MAPK14: variants seen among roughly 807,000 people sequenced by gnomAD.
MAPK14 encodes the protein mitogen-activated protein kinase 14, also known as CSAID-binding protein.
Under a neutral mutation model 49.6 loss-of-function variants are expected in MAPK14, and 16 were observed. The observed-to-expected ratio is 0.32, with a 90% confidence interval of 0.22 to 0.49. The LOEUF (loss-of-function observed/expected upper bound fraction) is 0.49, where lower values mean the gene tolerates loss of function less well. Among genes scored for constraint, MAPK14 ranks in the 20% least tolerant of loss-of-function variants. The pLI is 0.99. For missense variants in MAPK14, 200 were observed against 441.2 expected (o/e 0.45, Z 4.90); for synonymous variants, 142 against 158.0 (o/e 0.90, Z 0.76).
chr6:36,078,494 G>T (rs1764619432), intron 8 of MAPK14, among the ~76,000 whole-genome samples: 1 of 152,160 alleles, frequency 6.6e-6, no homozygotes, highest in African/African-American at 2.4e-5. Flanking sequence ...TACCTTTGTG[G>T]TCCTGTCTCA....
chr6:36,117,171 C>T, the MAPK14 span, among the ~76,000 whole-genome samples: 1 of 152,160 alleles, frequency 6.6e-6, no homozygotes, highest in African/African-American at 2.4e-5. Flanking sequence ...CCCTTGCCCT[C>T]GCTTCTCTAC....
chr6:36,111,855 AAGG>A (rs1411088972), downstream of MAPK14, among the ~76,000 whole-genome samples: 2 of 152,136 alleles, frequency 1.3e-5, no homozygotes, highest in East Asian at 3.9e-4. Context: ...GTGACTTCGT[AAGG>A]AGGTGAGAGA....
chr6:36,039,964 C>T (rs1762899136), intron 1 of MAPK14, among the ~76,000 whole-genome samples: 1 of 150,574 alleles, frequency 6.6e-6, no homozygotes, highest in Non-Finnish European at 1.5e-5. Flanking sequence ...CCCCTGCACT[C>T]CTGTCTGGGC....
chr6:36,074,196 C>G (rs1764426162), intron 6 of MAPK14, 100 bp downstream of exon 6: 2 of 765,876 alleles, frequency 2.6e-6, no homozygotes, highest in Non-Finnish European at 4.3e-6. Flanking sequence ...TGAGCCATGA[C>G]TATCTGAAAT....
intron 8 of MAPK14, 78 bp downstream of exon 8, chr6:36,076,686 C>A: frequency 9.2e-7 from 1 of 1,092,598 alleles, no homozygotes; most frequent in Non-Finnish European, 1.4e-6. Flanking sequence ...TTTTACTTAT[C>A]TCTAGGGAAG....
the MAPK14 span, among the ~76,000 whole-genome samples, chr6:36,120,451 G>A: frequency 6.7e-6 from 1 of 149,972 alleles, no homozygotes. Context: ...CTGGCCATCC[G>A]GAACATACTC....
chr6:36,076,253 A>G lies in MAPK14; in HGVS notation c.611-284A>G, dbSNP rs61763109. 0.017 allele frequency among the ~76,000 whole-genome samples: 2,663 copies of G among 152,266 alleles called. 78 individuals carry two copies. The highest frequency in any genetic ancestry group is 0.06 in the African/African-American group (2,490 of 41,534). The stretch of plus-strand genomic sequence containing the variant: ...ATTAGTCCATAATTTTAACCCCTCA[A>G]TGTTACTTGGAAGAATCTACCATTC... On this transcript the variant is annotated intron_variant, in intron 7 of 11. Transcript: ENST00000229794.
At position 36,076,199 on chromosome 6, in the gene MAPK14, T is replaced by TA. The variant is rs1191239717; in HGVS notation, c.610+238dup. The stretch of plus-strand genomic sequence containing the variant: ...TTTTTATTTATTTAGATTTTGAATA[T>TA]ATTCTCTGAGTACTTATACCTAAAG... On this transcript the variant is annotated intron_variant, in intron 7 of 11. Transcript: ENST00000229794. Among the ~76,000 whole-genome samples, 486 of 152,342 alleles carry TA rather than the reference T, an allele frequency of 3.2e-3. 3 individuals are homozygous for TA. The highest frequency in any genetic ancestry group is 0.011 in the African/African-American group (447 of 41,568).
intron 8 of MAPK14, among the ~76,000 whole-genome samples, chr6:36,087,856 G>T (rs1487201914): frequency 6.6e-6 from 1 of 152,098 alleles, no homozygotes; most frequent in Non-Finnish European, 1.5e-5. Flanking sequence ...GAACAAACCT[G>T]GAGGCATCAC....
intron 1 of MAPK14, chr6:36,029,273 T>C (rs531685278): frequency 1.3e-5 from 2 of 152,306 alleles, no homozygotes; most frequent in South Asian, 4.1e-4. Flanking sequence ...AGGTACACGA[T>C]GGTTTTCGTA....
At chr6:36,076,480 G>A in intron 7 of MAPK14, 57 bp from the exon 8 acceptor site, 1 of 1,279,566 alleles carries the variant, frequency 7.8e-7, no homozygotes, top group South Asian at 1.2e-5. Flanking sequence ...TTCATTTGTT[G>A]CCAAGAATTG....
At chr6:36,088,910 G>C (rs1246696856) in intron 8 of MAPK14, among the ~76,000 whole-genome samples, 1 of 152,170 alleles carries the variant, frequency 6.6e-6, no homozygotes, top group East Asian at 1.9e-4. Context: ...AGAAACAACA[G>C]ATGCTGGTGA....
At chr6:36,076,774 A>G (rs1370212823) in intron 8 of MAPK14, 166 bp downstream of exon 8, 3 of 470,594 alleles carry the variant, frequency 6.4e-6, no homozygotes, top group African/African-American at 6.0e-5. Context: ...TGCCTTGCCA[A>G]GAAAGAGGCT....
chr6:36,053,857 T>A (rs539311887), intron 2 of MAPK14, among the ~76,000 whole-genome samples: 60 of 152,320 alleles, frequency 3.9e-4, no homozygotes, highest in African/African-American at 1.4e-3. Flanking sequence ...AATTTGTAAT[T>A]GGATTATGGA....
At position 36,107,474 on chromosome 6, in the gene MAPK14, G is replaced by T; in HGVS notation, c.861G>T (p.Lys287Asn). The T allele has an allele frequency of 6.5e-7, 1 of 1,548,166 alleles. No individual in the cohort carries two copies. The highest frequency in any genetic ancestry group is 8.7e-7 in the Non-Finnish European group (1 of 1,147,634). Residue 287 changes from lysine (K) to asparagine (N), a missense_variant, in exon 11 of 12, where the codon AAG (lysine) becomes AAT (asparagine). Physicochemically the swap from Lys to Asn is moderately conservative, Grantham distance 94. Transcript: ENST00000229794. The surrounding 1 kb of genome is among the most constrained non-coding windows in gnomAD (Gnocchi z 4.3). ...ANPLAVDLLE[K>N]MLVLDSDKRI... The stretch of plus-strand genomic sequence containing the variant: ...TGATAGCTGTCGACTTGCTGGAGAA[G>T]ATGCTTGTATTGGACTCAGATAAGA...
intron 3 of MAPK14, among the ~76,000 whole-genome samples, chr6:36,063,740 A>T (rs1455733955): frequency 2.0e-5 from 3 of 152,220 alleles, no homozygotes; most frequent in Non-Finnish European, 4.4e-5. Context: ...ACAGTTACTG[A>T]ATCTGGATGG....
At chr6:36,065,426 T>C (rs1764009200) in intron 3 of MAPK14, among the ~76,000 whole-genome samples, 1 of 151,510 alleles carries the variant, frequency 6.6e-6, no homozygotes, top group South Asian at 2.1e-4. Context: ...CACAGAGGGC[T>C]TAACGGATGA....
intron 8 of MAPK14, chr6:36,092,323 G>A: frequency 1.6e-6 from 1 of 613,894 alleles, no homozygotes; most frequent in South Asian, 1.4e-5. Flanking sequence ...CTCCCAAAGA[G>A]CAGCTGCTCC....
chr6:36,042,682 C>A lies in MAPK14; in HGVS notation c.117-10017C>A, dbSNP rs140884456. ...TAATTTTTTTTTTTTTTCGTAGACA[C>A]GAGGTCTCACTATGTCATGAAGTTG... On this transcript the variant is annotated intron_variant, in intron 1 of 11. Transcript: ENST00000229794. 5.3e-3 allele frequency among the ~76,000 whole-genome samples: 799 copies of A among 150,224 alleles called. 8 individuals are homozygous for A. The highest frequency in any genetic ancestry group is 0.018 in the African/African-American group (746 of 40,852).
Sources: gnomAD v4.1 joint callset for allele counts (sites outside exome capture counted in the v4.1 genomes callset) on GRCh38, gnomAD v4.1.1 for gene constraint, Gnocchi (gnomAD v3.1) non-coding constraint, MANE v1.5 for transcripts, NCBI Gene and HGNC (gene_info 2026-07-23, HGNC 2026-07-21) for gene names.